Variants in ACTN4 observed in about 807,000 individuals in gnomAD.
The protein encoded by ACTN4 is alpha-actinin-4.
Under a neutral mutation model 114.2 loss-of-function variants are expected in ACTN4, and 18 were observed. The ratio of observed to expected loss-of-function variants is 0.16; its 90% CI spans 0.11 to 0.23. The LOEUF (loss-of-function observed/expected upper bound fraction) is 0.23. Ranked by LOEUF, ACTN4 falls within the 10% of genes least tolerant of loss-of-function variation. The pLI is 1.00. For synonymous variants in ACTN4, 515 were observed against 506.3 expected, an observed-to-expected ratio of 1.02 and a Z score of -0.23; for missense variants, 722 against 1,262.9, an observed-to-expected ratio of 0.57 and a Z score of 6.49.
intron 1 of ACTN4, among the ~76,000 whole-genome samples, chr19:38,651,216 C>A (rs541666418): frequency 1.3e-5 from 2 of 152,276 alleles, no homozygotes; most frequent in South Asian, 2.1e-4. Context: ...GAATTGAATT[C>A]TTCTAGGAAT....
In ACTN4 at chr19:38,727,867, C is replaced by A; in HGVS notation, c.2338-79C>A. The A allele has an allele frequency of 1.4e-6, 2 of 1,382,356 alleles. No individual in the cohort carries two copies. The highest frequency in any genetic ancestry group is 2.4e-5 in the East Asian group (1 of 41,990). 85.6% of individuals were successfully genotyped at this position (1,382,356 alleles called of 1,614,324 possible). ...CCCCTACGTGTCCCTTCCCCCTGCC[C>A]TCTGCATGTGACCCCGATCCCTCAT... On this transcript the variant is annotated intron_variant, in intron 18 of 20. Coordinates refer to ENST00000252699, the MANE Select transcript of ACTN4 (RefSeq NM_004924.6). This position sits in a 1 kb window ranked among gnomAD's most constrained non-coding sequence, Gnocchi z 5.4.
At chr19:38,678,501 A>C (rs1400098083) in intron 1 of ACTN4, among the ~76,000 whole-genome samples, 2 of 152,170 alleles carry the variant, frequency 1.3e-5, no homozygotes, top group Non-Finnish European at 2.9e-5. Flanking sequence ...GAAGGAAGGG[A>C]AGTCTAGGCT....
Position 38,731,505 on chromosome 19 carries a change from C to G in ACTN4, c.*2073C>G, listed in dbSNP as rs1211151453. On this transcript the variant is annotated 3_prime_UTR_variant, in exon 21 of 21. Transcript: ENST00000252699. ...ACTCGATGTGTGGGTACTGTTACTC[C>G]TTAAATCCTGTGGGGCTTTCTCCTT... 3.6e-5 allele frequency: 18 copies of G among 493,358 alleles called. No homozygotes were observed. Among genetic ancestry groups the G allele is most frequent in the Non-Finnish European group, 5.9e-5 (16 of 269,348 alleles). 30.6% of individuals were successfully genotyped at this position (493,358 alleles called of 1,614,324 possible). A position where few individuals can be genotyped will look rare whatever the true frequency, so the allele number is the denominator to read the frequency against.
intron 1 of ACTN4, among the ~76,000 whole-genome samples, chr19:38,656,086 C>A (rs974233244): frequency 6.6e-6 from 1 of 152,136 alleles, no homozygotes; most frequent in Non-Finnish European, 1.5e-5. Flanking sequence ...GTTCCTCACA[C>A]AACTTTTTTC....
At chr19:38,655,305 A>G (rs1390293971) in intron 1 of ACTN4, among the ~76,000 whole-genome samples, 1 of 152,194 alleles carries the variant, frequency 6.6e-6, no homozygotes, top group Non-Finnish European at 1.5e-5. Flanking sequence ...AAGGCCCCCC[A>G]GGCTTGAGGC....
At chr19:38,726,726 C>A (rs1969244692) in intron 17 of ACTN4, among the ~76,000 whole-genome samples, 1 of 152,228 alleles carries the variant, frequency 6.6e-6, no homozygotes, top group Non-Finnish European at 1.5e-5. Flanking sequence ...GCACAAGATT[C>A]ATGGGTCCTT....
intron 1 of ACTN4, among the ~76,000 whole-genome samples, chr19:38,676,475 C>G (rs116094416): frequency 0.014 from 2,150 of 152,288 alleles, 58 homozygotes; most frequent in African/African-American, 0.048. Context: ...TGTCCTGCGA[C>G]TGGGCTGGAG....
chr19:38,710,366 C>T lies in ACTN4; in HGVS notation c.819+24C>T. 6 of 1,610,546 alleles carry T rather than the reference C, an allele frequency of 3.7e-6. No individual in the cohort carries two copies. The South Asian group carries it at 4.4e-5, about 12-fold the overall frequency. ...AGGTACCGAGCAGGGCCAGGCAGGC[C>T]CTCCTCGCCGCCACCGCGCAATGCC... On this transcript the variant is annotated intron_variant, in intron 8 of 20. Coordinates refer to ENST00000252699, the MANE Select transcript of ACTN4 (RefSeq NM_004924.6).
In ACTN4 at chr19:38,717,843, C is replaced by G; in HGVS notation, c.1144-84C>G. On this transcript the variant is annotated intron_variant, in intron 10 of 20. Coordinates refer to ENST00000252699, the MANE Select transcript of ACTN4 (RefSeq NM_004924.6). This position sits in a 1 kb window ranked among gnomAD's most constrained non-coding sequence, Gnocchi z 4.0. ...CATGACCCCAGCCAAGTTCTGCCAC[C>G]TTCCCATCAGCATCCCTTGGAGACA... 1 of 1,535,160 alleles carries G rather than the reference C, an allele frequency of 6.5e-7. No individual in the cohort carries two copies. Among genetic ancestry groups the G allele is most frequent in the Non-Finnish European group, 8.8e-7 (1 of 1,135,130 alleles).
intron 17 of ACTN4, among the ~76,000 whole-genome samples, chr19:38,726,200 A>C (rs1038519441): frequency 6.7e-6 from 1 of 149,216 alleles, no homozygotes; most frequent in Non-Finnish European, 1.5e-5. Flanking sequence ...AGGTGGGCAG[A>C]TTGCTTGAGC....
chr19:38,711,946 G>C (rs1303158062), intron 8 of ACTN4, among the ~76,000 whole-genome samples: 1 of 152,224 alleles, frequency 6.6e-6, no homozygotes, highest in Non-Finnish European at 1.5e-5. Flanking sequence ...CGGGCCCTCA[G>C]CGTTCACGCA....
Position 38,724,577 on chromosome 19 carries a change from C to T in ACTN4, c.2010+12C>T. The T allele has an allele frequency of 6.2e-7, 1 of 1,613,294 alleles. No homozygotes were observed. The highest frequency in any genetic ancestry group is 8.5e-7 in the Non-Finnish European group (1 of 1,179,916). ...AGACCAAGATGGAGGTGAGGCACGG[C>T]TGAGCCCCACAGAGCTGAGAAGGTT... On this transcript the variant is annotated intron_variant, in intron 16 of 20. Transcript: ENST00000252699. This position sits in a 1 kb window ranked among gnomAD's most constrained non-coding sequence, Gnocchi z 7.0.
intron 9 of ACTN4, among the ~76,000 whole-genome samples, chr19:38,715,791 C>T (rs1321288771): frequency 6.6e-6 from 1 of 152,244 alleles, no homozygotes; most frequent in African/African-American, 2.4e-5. Context: ...AATGTATCCA[C>T]ACAGAGGTAT....
chr19:38,723,731 G>A lies in ACTN4; in HGVS notation c.1551+9G>A, dbSNP rs746238821. ...GCAGGGAAGCCCTGGAGGTGAGGAG[G>A]GGGTGACATCACCCACGGAGCTCTG... On this transcript the variant is annotated intron_variant, in intron 13 of 20. Transcript: ENST00000252699. 1.3e-6 allele frequency: 2 copies of A among 1,596,722 alleles called. No homozygotes were observed. The highest frequency in any genetic ancestry group is 2.7e-5 in the African/African-American group (2 of 74,474).
At chr19:38,648,332 A>T in intron 1 of ACTN4, 1 of 159,838 alleles carries the variant, frequency 6.3e-6, no homozygotes, top group African/African-American at 2.4e-5. Flanking sequence ...GGGTCTGGGA[A>T]GTGTGAGGAG....
chr19:38,725,084 ATTAC>A (rs141338075), intron 16 of ACTN4, among the ~76,000 whole-genome samples: 8,602 of 152,174 alleles, frequency 0.057, 254 homozygotes, highest in South Asian at 0.096. Context: ...CAGTTACCTT[ATTAC>A]TTCAACAAAT....
chr19:38,731,299 CAGGG>C lies in ACTN4; in HGVS notation c.*1871_*1874del. 2.6e-6 allele frequency: 3 copies of C among 1,136,506 alleles called. No individual in the cohort carries two copies. The highest frequency in any genetic ancestry group is 4.0e-6 in the Non-Finnish European group (3 of 755,410). 70.4% of individuals were successfully genotyped at this position (1,136,506 alleles called of 1,614,324 possible). A position where few individuals can be genotyped will look rare whatever the true frequency, so the allele number is the denominator to read the frequency against. ...GCATTGCATCCCCACCCCACCTCCT[CAGGG>C]AGGACATGAATGCCACAGGGTGTCA... On this transcript the variant is annotated 3_prime_UTR_variant, in exon 21 of 21. Transcript: ENST00000252699.
intron 5 of ACTN4, among the ~76,000 whole-genome samples, chr19:38,707,802 T>G (rs1968510406): frequency 1.3e-5 from 2 of 152,236 alleles, no homozygotes; most frequent in East Asian, 3.8e-4. Context: ...TCCAAGCATT[T>G]ACTCATTTAA....
Position 38,673,631 on chromosome 19 carries a change from A to T in ACTN4, c.162+25724A>T, listed in dbSNP as rs8182555. 9.3e-4 allele frequency among the ~76,000 whole-genome samples: 45 copies of T among 48,180 alleles called. 3 individuals are homozygous for T. Among genetic ancestry groups the T allele is most frequent in the African/African-American group, 1.4e-3 (22 of 15,632 alleles). The allele number at this position is 48,180 out of a possible 152,430, so 31.6% of individuals were successfully genotyped here. On this transcript the variant is annotated intron_variant, in intron 1 of 20. Coordinates refer to ENST00000252699, the MANE Select transcript of ACTN4 (RefSeq NM_004924.6). The stretch of plus-strand genomic sequence containing the variant: ...TTCATTTATATTTATATATATTCAT[A>T]TATATTTATATATATTTATATATTT...
Sources: gnomAD v4.1 joint callset for allele counts (sites outside exome capture counted in the v4.1 genomes callset) on GRCh38, gnomAD v4.1.1 for gene constraint, Gnocchi (gnomAD v3.1) non-coding constraint, MANE v1.5 for transcripts, NCBI Gene and HGNC (gene_info 2026-07-23, HGNC 2026-07-21) for gene names.